The following MAP1LC3A variants were observed in gnomAD, a reference collection of about 807,000 sequenced individuals.
The protein encoded by MAP1LC3A is microtubule associated protein 1 light chain 3 alpha.
MAP1LC3A carries 10 observed loss-of-function variants against 15.2 expected under a neutral mutation model. That is an observed-to-expected ratio of 0.66 (90% CI 0.41 to 1.12). MAP1LC3A has a LOEUF of 1.12. MAP1LC3A is among the 50% of genes most tolerant of loss of function. The probability of loss-of-function intolerance (pLI) is 0.00; values close to 1 mark genes in which losing one functional copy is unlikely to be tolerated. For missense variants in MAP1LC3A, 138 were observed against 167.3 expected, an observed-to-expected ratio of 0.82 and a Z score of 0.97; for synonymous variants, 63 against 64.3, an observed-to-expected ratio of 0.98 and a Z score of 0.10.
chr20:34,560,064 C>T lies in MAP1LC3A; in HGVS notation c.*166C>T. On this transcript the variant is annotated 3_prime_UTR_variant, in exon 4 of 4. Transcript: ENST00000360668. Reference sequence around the variant, plus strand: ...CCACCTACTCTGCCCCTGGGTGGATCCTGGGCCGGTCGTGTTAGGGTTGTC... The same window carrying T: ...CCACCTACTCTGCCCCTGGGTGGATTCTGGGCCGGTCGTGTTAGGGTTGTC... 1 of 666,532 alleles carries T rather than the reference C, an allele frequency of 1.5e-6. No individual in the cohort carries two copies. Among genetic ancestry groups the T allele is most frequent in the South Asian group, 2.0e-5 (1 of 50,670 alleles). 41.3% of individuals were successfully genotyped at this position (666,532 alleles called of 1,614,324 possible).
In MAP1LC3A at chr20:34,558,875, T is replaced by G; in HGVS notation, c.7T>G (p.Ser3Ala). 14 of 1,435,708 alleles carry G rather than the reference T, an allele frequency of 9.8e-6. No homozygotes were observed. Among genetic ancestry groups the G allele is most frequent in the Non-Finnish European group, 1.3e-5 (14 of 1,099,406 alleles). 88.9% of individuals were successfully genotyped at this position (1,435,708 alleles called of 1,614,324 possible). A position where few individuals can be genotyped will look rare whatever the true frequency, so the allele number is the denominator to read the frequency against. The change falls in exon 1 of 4, where the codon TCA becomes GCA. Residue 3 changes from serine (S) to alanine (A), a missense_variant. By Grantham distance (99) the Ser-to-Ala change is moderately conservative (BLOSUM62 1). Transcript: ENST00000360668. This position sits in a 1 kb window ranked among gnomAD's most constrained non-coding sequence, Gnocchi z 4.3. MP[S>A]DRPFKQRRSF... ...GCCCAGCCGGGCCCGCGCGATGCCC[T>G]CAGACCGGCCTTTCAAGCAGCGGCG...
rs760673110 is a variant in MAP1LC3A, at chr20:34,559,818, G to C, written c.286G>C (p.Ala96Pro). The change falls in exon 4 of 4, where the codon GCG becomes CCG. Residue 96 changes from alanine (A) to proline (P), a missense_variant. Transcript: ENST00000360668. ...HSMVSVSTPIADIYEQEKDED... is the reference protein window; with the variant it reads ...HSMVSVSTPIPDIYEQEKDED... ...CATGGTGAGTGTGTCCACGCCCATC[G>C]CGGACATCTACGAGCAGGAGAAAGA... 1 of 1,613,996 alleles carries C rather than the reference G, an allele frequency of 6.2e-7. No individual in the cohort carries two copies. The highest frequency in any genetic ancestry group is 8.5e-7 in the Non-Finnish European group (1 of 1,179,992).
upstream of MAP1LC3A, among the ~76,000 whole-genome samples, chr20:34,557,558 A>G (rs952984941): frequency 2.6e-5 from 4 of 152,142 alleles, no homozygotes; most frequent in African/African-American, 9.7e-5. Flanking sequence ...ATGTTTACCA[A>G]TTTGCTCACC....
chr20:34,559,190 T>C lies in MAP1LC3A; in HGVS notation c.41-18T>C. The C allele has an allele frequency of 6.4e-7, 1 of 1,573,180 alleles. No individual in the cohort carries two copies. The highest frequency in any genetic ancestry group is 8.6e-7 in the Non-Finnish European group (1 of 1,161,984). On this transcript the variant is annotated intron_variant, in intron 1 of 3. Coordinates refer to ENST00000360668, the MANE Select transcript of MAP1LC3A (RefSeq NM_032514.4). ...GGGCCGGCCCGACCCGGCCTCACGG[T>C]CTGGCCGCTGTCCGCAGCCGACCGC...
upstream of MAP1LC3A, among the ~76,000 whole-genome samples, chr20:34,554,087 GC>G (rs147555566): frequency 0.018 from 2,797 of 152,206 alleles, 35 homozygotes; most frequent in Middle Eastern, 0.037. Flanking sequence ...AGTGGAAAGA[GC>G]CCATCTTTCC....
At chr20:34,558,469 A>T (rs1450019119), upstream of MAP1LC3A, 16 of 1,008,822 alleles carry the variant, frequency 1.6e-5, 1 homozygote, top group Middle Eastern at 4.8e-4. This position sits in a 1 kb window ranked among gnomAD's most constrained non-coding sequence, Gnocchi z 4.3. Flanking sequence ...CGCCCGCTCC[A>T]TCGGCCTAGG....
chr20:34,555,838 TTTTC>T (rs1341423868), upstream of MAP1LC3A, among the ~76,000 whole-genome samples: 13 of 149,822 alleles, frequency 8.7e-5, no homozygotes, highest in South Asian at 2.1e-4. Context: ...CCCTCCCAAG[TTTTC>T]TTTCTTTTTT....
chr20:34,552,278 C>G (rs566717206), intron 2 of MAP1LC3A, among the ~76,000 whole-genome samples: 89 of 152,360 alleles, frequency 5.8e-4, no homozygotes, highest in African/African-American at 2.1e-3. Flanking sequence ...GGGTTACAGG[C>G]GTGAGCCTCT....
intron 3 of MAP1LC3A, 110 bp from the exon 4 acceptor site, chr20:34,559,626 C>T (rs1446304504): frequency 7.5e-7 from 1 of 1,329,650 alleles, no homozygotes; most frequent in East Asian, 2.3e-5. Flanking sequence ...TCAGAGGTGA[C>T]AGCTGGGGTG....
chr20:34,559,533 G>A, intron 3 of MAP1LC3A, 80 bp downstream of exon 3: 1 of 1,393,638 alleles, frequency 7.2e-7, no homozygotes, highest in Non-Finnish European at 1.0e-6. Flanking sequence ...TGGGAGTGGG[G>A]TCAGGGGTGA....
At chr20:34,549,875 C>T (rs575542871) in intron 1 of MAP1LC3A, 24 of 935,304 alleles carry the variant, frequency 2.6e-5, no homozygotes, top group South Asian at 5.6e-5. Flanking sequence ...CTCCTGCCTC[C>T]GTGCTGATTG....
rs757207230 is a variant in MAP1LC3A, at chr20:34,559,385, C to G, written c.135C>G (p.Pro45=). Residue 45 remains proline, a synonymous_variant, in exon 3 of 4, where the codon CCC becomes CCG. Transcript: ENST00000360668. ...IERYKGEKQL[P]VLDKTKFLVP... ...GCTACAAGGGTGAGAAGCAGCTGCC[C>G]GTCCTGGACAAGACCAAGTTTTTGG... The G allele has an allele frequency of 3.1e-6, 5 of 1,613,356 alleles. No homozygotes were observed. Among genetic ancestry groups the G allele is most frequent in the Non-Finnish European group, 4.2e-6 (5 of 1,179,718 alleles).
chr20:34,558,686 C>T, upstream of MAP1LC3A: 1 of 1,257,522 alleles, frequency 8.0e-7, no homozygotes, highest in Non-Finnish European at 1.0e-6. This position sits in a 1 kb window ranked among gnomAD's most constrained non-coding sequence, Gnocchi z 4.3. Flanking sequence ...CACTGGCCTC[C>T]CCTTTAAGGA....
At chr20:34,554,351 T>TG (rs1294264275), upstream of MAP1LC3A, among the ~76,000 whole-genome samples, 106 of 146,658 alleles carry the variant, frequency 7.2e-4, no homozygotes, top group African/African-American at 2.5e-3. Flanking sequence ...TACTATACGT[T>TG]GGGTTTTTTT....
intron 1 of MAP1LC3A, chr20:34,549,822 G>A (rs1600564452): frequency 1.6e-6 from 1 of 632,910 alleles, no homozygotes; most frequent in Non-Finnish European, 2.8e-6. Flanking sequence ...AGCACTTCTG[G>A]TTCAGCCAGT....
upstream of MAP1LC3A, among the ~76,000 whole-genome samples, chr20:34,554,378 T>G (rs1364693919): frequency 6.0e-4 from 10 of 16,536 alleles, 1 homozygote; most frequent in African/African-American, 1.3e-3. Flanking sequence ...TTTTTTTTTT[T>G]TTTTTTTTTT....
chr20:34,550,259 G>A (rs73103196), intron 2 of MAP1LC3A, among the ~76,000 whole-genome samples: 2,865 of 152,276 alleles, frequency 0.019, 45 homozygotes, highest in Middle Eastern at 0.031. Flanking sequence ...CCGTGGCTGA[G>A]ACCCCCTGAG....
Position 34,558,951 on chromosome 20 carries a change from C to A in MAP1LC3A, c.40+43C>A. ...AGCTGCGAGCTCTGGGGCAGGGGTG[C>A]CGGCCGACCCCGACTGCCGCAGGTG... On this transcript the variant is annotated intron_variant, in intron 1 of 3. Transcript: ENST00000360668. This position sits in a 1 kb window ranked among gnomAD's most constrained non-coding sequence, Gnocchi z 4.3. 7.4e-7 allele frequency: 1 copy of A among 1,350,350 alleles called. No homozygotes were observed. The highest frequency in any genetic ancestry group is 9.5e-7 in the Non-Finnish European group (1 of 1,056,490). 83.6% of individuals were successfully genotyped at this position (1,350,350 alleles called of 1,614,324 possible). A position where few individuals can be genotyped will look rare whatever the true frequency, so the allele number is the denominator to read the frequency against.
At chr20:34,551,724 G>A (rs573352123) in intron 2 of MAP1LC3A, among the ~76,000 whole-genome samples, 6 of 152,024 alleles carry the variant, frequency 3.9e-5, no homozygotes, top group East Asian at 1.9e-4. Context: ...TTGGCCTCCC[G>A]AAGTGCTGGG....
Sources: allele counts gnomAD v4.1 joint callset (sites outside exome capture counted in the v4.1 genomes callset), GRCh38; gene constraint gnomAD v4.1.1; non-coding constraint Gnocchi (gnomAD v3.1); transcripts MANE v1.5; gene names NCBI Gene and HGNC (gene_info 2026-07-23, HGNC 2026-07-21).